Variants in ASAP1 observed in about 807,000 individuals in gnomAD.
ASAP1 encodes the protein arf-GAP with SH3 domain, ANK repeat and PH domain-containing protein 1.
Under a neutral mutation model 145.2 loss-of-function variants are expected in ASAP1, and 43 were observed. The ratio of observed to expected loss-of-function variants is 0.30; its 90% CI spans 0.23 to 0.38. ASAP1 has a LOEUF of 0.38. Among genes scored for constraint, ASAP1 ranks in the 10% least tolerant of loss-of-function variants. The probability of loss-of-function intolerance (pLI) is 1.00; values close to 1 mark genes in which losing one functional copy is unlikely to be tolerated. For synonymous variants in ASAP1, 546 were observed against 515.5 expected (o/e 1.06, Z -0.80); for missense variants, 1,018 against 1,355.3 (o/e 0.75, Z 3.91).
At chr8:130,292,341 G>A (rs1821998072) in intron 3 of ASAP1, among the ~76,000 whole-genome samples, 1 of 152,112 alleles carries the variant, frequency 6.6e-6, no homozygotes, top group Non-Finnish European at 1.5e-5. Context: ...CAGTTAAGAT[G>A]GTGTGATCAG....
chr8:130,375,654 A>G (rs1827451303), intron 2 of ASAP1, among the ~76,000 whole-genome samples: 1 of 152,156 alleles, frequency 6.6e-6, no homozygotes, highest in South Asian at 2.1e-4. Context: ...CAAGAAATGG[A>G]GGGCAAAGAA....
At chr8:130,281,435 C>T (rs1821239640) in intron 3 of ASAP1, among the ~76,000 whole-genome samples, 1 of 151,978 alleles carries the variant, frequency 6.6e-6, no homozygotes, top group Non-Finnish European at 1.5e-5. Flanking sequence ...AGAGGGAATA[C>T]CCTCCTTGGT....
intron 2 of ASAP1, 35 bp downstream of exon 2, chr8:130,401,850 A>G: frequency 6.3e-7 from 1 of 1,596,942 alleles, no homozygotes; most frequent in Non-Finnish European, 8.5e-7. Flanking sequence ...TCCCACGCCG[A>G]GTTTTCTGGA....
At chr8:130,347,598 AC>A (rs1298261697) in intron 3 of ASAP1, among the ~76,000 whole-genome samples, 1 of 152,158 alleles carries the variant, frequency 6.6e-6, no homozygotes, top group Non-Finnish European at 1.5e-5. Flanking sequence ...TCCTCTGAGG[AC>A]CACCATCACC....
At chr8:130,276,687 AACACACACAC>A (rs1161892776) in intron 3 of ASAP1, among the ~76,000 whole-genome samples, 51 of 91,698 alleles carry the variant, frequency 5.6e-4, no homozygotes, top group African/African-American at 1.6e-3. Flanking sequence ...CAAGACTGCA[AACACACACAC>A]ACACACACAC....
intron 28 of ASAP1, among the ~76,000 whole-genome samples, chr8:130,059,632 C>T (rs1454778745): frequency 2.6e-5 from 4 of 152,238 alleles, no homozygotes; most frequent in African/African-American, 9.6e-5. Context: ...GTAGAGCTGC[C>T]ATGTGCAATG....
At chr8:130,285,909 A>G (rs1440080287) in intron 3 of ASAP1, among the ~76,000 whole-genome samples, 1 of 152,198 alleles carries the variant, frequency 6.6e-6, no homozygotes, top group Non-Finnish European at 1.5e-5. Context: ...TAATGAGCCA[A>G]GGCTTTACTG....
At chr8:130,344,142 G>C (rs1039525754) in intron 3 of ASAP1, among the ~76,000 whole-genome samples, 9 of 152,056 alleles carry the variant, frequency 5.9e-5, no homozygotes, top group African/African-American at 2.2e-4. Context: ...GAAACTACGG[G>C]ATAAACCACC....
At chr8:130,154,988 C>T (rs544860178) in intron 12 of ASAP1, among the ~76,000 whole-genome samples, 1 of 152,256 alleles carries the variant, frequency 6.6e-6, no homozygotes, top group Non-Finnish European at 1.5e-5. Flanking sequence ...AGTTTTGCAT[C>T]CATCTTACTC....
At chr8:130,309,351 G>T (rs1823187425) in intron 3 of ASAP1, among the ~76,000 whole-genome samples, 1 of 152,204 alleles carries the variant, frequency 6.6e-6, no homozygotes, top group Non-Finnish European at 1.5e-5. Context: ...AACTCATCCT[G>T]ACTAACAGAG....
chr8:130,400,010 G>T (rs1828709725), intron 2 of ASAP1, among the ~76,000 whole-genome samples: 1 of 152,070 alleles, frequency 6.6e-6, no homozygotes, highest in Admixed American at 6.5e-5. Flanking sequence ...AGTACAGACA[G>T]AGTTTCTCCA....
At chr8:130,346,490 A>C (rs1825710572) in intron 3 of ASAP1, among the ~76,000 whole-genome samples, 1 of 152,196 alleles carries the variant, frequency 6.6e-6, no homozygotes, top group Admixed American at 6.5e-5. Flanking sequence ...AAAGAGCATA[A>C]ATTGAGTTGA....
At chr8:130,107,488 A>G (rs1248401931) in intron 24 of ASAP1, among the ~76,000 whole-genome samples, 1 of 147,306 alleles carries the variant, frequency 6.8e-6, no homozygotes, top group Non-Finnish European at 1.5e-5. Flanking sequence ...CCCGGCCCAT[A>G]GTCTCTCTTT....
chr8:130,167,420 A>G, intron 11 of ASAP1, 116 bp downstream of exon 11: 1 of 857,326 alleles, frequency 1.2e-6, no homozygotes, highest in African/African-American at 1.6e-5. Flanking sequence ...TATGGTAGGT[A>G]CATACTTGCA....
intron 3 of ASAP1, among the ~76,000 whole-genome samples, chr8:130,237,592 G>A (rs559670365): frequency 6.6e-6 from 1 of 152,118 alleles, no homozygotes; most frequent in African/African-American, 2.4e-5. Context: ...CATGATGCTG[G>A]TAATGCTTTT....
At chr8:130,401,780 C>T in intron 2 of ASAP1, 105 bp downstream of exon 2, 1 of 1,027,490 alleles carries the variant, frequency 9.7e-7, no homozygotes. Flanking sequence ...CTGTTAGATT[C>T]CAGTGCTTGT....
At chr8:130,067,825 T>C (rs1367506099) in intron 27 of ASAP1, among the ~76,000 whole-genome samples, 2 of 152,226 alleles carry the variant, frequency 1.3e-5, no homozygotes, top group Non-Finnish European at 1.5e-5. Flanking sequence ...TATGCTGCCA[T>C]TACATTTTGT....
chr8:130,228,495 G>A (rs191671662), intron 4 of ASAP1, among the ~76,000 whole-genome samples: 40 of 152,026 alleles, frequency 2.6e-4, no homozygotes, highest in African/African-American at 9.4e-4. Flanking sequence ...GAGCCCAGGC[G>A]GTCAAGACCA....
intron 3 of ASAP1, among the ~76,000 whole-genome samples, chr8:130,337,332 C>G (rs1051838299): frequency 6.6e-6 from 1 of 152,132 alleles, no homozygotes; most frequent in Non-Finnish European, 1.5e-5. Context: ...TCATATTAAT[C>G]AGTAATTGGG....
Sources: gnomAD v4.1 joint callset for allele counts (sites outside exome capture counted in the v4.1 genomes callset) on GRCh38, gnomAD v4.1.1 for gene constraint, MANE v1.5 for transcripts, NCBI Gene and HGNC (gene_info 2026-07-23, HGNC 2026-07-21) for gene names.